Variants in SSX5 observed in about 807,000 individuals in gnomAD.
SSX5 encodes the protein SSX family member 5, also known as protein SSX5.
A neutral mutation model predicts 14.9 loss-of-function variants in SSX5; 14 were observed. That is an observed-to-expected ratio of 0.94 (90% CI 0.62 to 1.47). The LOEUF (loss-of-function observed/expected upper bound fraction) is 1.47, where lower values mean the gene tolerates loss of function less well. Among genes scored for constraint, SSX5 ranks in the 40% most tolerant of loss-of-function variants. The pLI is 0.00. For missense variants in SSX5, 204 were observed against 154.6 expected (o/e 1.32, Z -1.70); for synonymous variants, 70 against 55.4 (o/e 1.26, Z -1.17).
At position 48,186,351 on chromosome X, in the gene SSX5, C is replaced by T. The variant is rs192670316; in HGVS notation, c.*510G>A. 3.7e-4 allele frequency: 76 copies of T among 205,402 alleles called. 1 individual carries two copies. The highest frequency in any genetic ancestry group is 2.1e-3 in the African/African-American group (65 of 30,725). The allele number at this position is 205,402 out of a possible 1,213,427, so 16.9% of individuals were successfully genotyped here. Reference sequence around the variant, plus strand: ...ATGGGGAAAAGCAGTTGGGAGATGCCTATACTGGTACTTGGTGTGTGTGTG... The same window carrying T: ...ATGGGGAAAAGCAGTTGGGAGATGCTTATACTGGTACTTGGTGTGTGTGTG... On this transcript the variant is annotated 3_prime_UTR_variant, in exon 8 of 8. Transcript: ENST00000347757.
chrX:48,193,099 T>G (rs2059426362), intron 4 of SSX5, among the ~76,000 whole-genome samples: 1 of 111,970 alleles, frequency 8.9e-6, no homozygotes, highest in Admixed American at 9.5e-5. Context: ...CTTTGGGAAT[T>G]AGAGGACTAT....
At chrX:48,196,705 G>GAAAAA (rs1184883229) in intron 1 of SSX5, 26 bp downstream of exon 1, 9 of 111,104 alleles carry the variant, frequency 8.1e-5, no homozygotes, top group African/African-American at 2.9e-4. Context: ...AGGAAGAATG[G>GAAAAA]AAAAAGAAAA....
At chrX:48,192,439 T>A in intron 4 of SSX5, 158 bp from the exon 5 acceptor site, 1 of 853,210 alleles carries the variant, frequency 1.2e-6, no homozygotes, top group East Asian at 3.3e-5. Context: ...TTAGTCATGG[T>A]TGGTGCATTT....
intron 1 of SSX5, among the ~76,000 whole-genome samples, chrX:48,195,942 C>A (rs2059439360): frequency 1.8e-5 from 2 of 111,252 alleles, no homozygotes; most frequent in Non-Finnish European, 3.8e-5. Context: ...GCTAGAATTT[C>A]TGAGACTACA....
In SSX5 at chrX:48,190,090, C is replaced by T. The variant is rs139629599; in HGVS notation, c.466+43G>A. ...ACCCAGTCCACACACCTGAACTTAG[C>T]GAGAAAAGCCAGAGTGGTTGTTCCC... On this transcript the variant is annotated intron_variant, in intron 6 of 7. Coordinates refer to ENST00000347757, the MANE Select transcript of SSX5 (RefSeq NM_175723.2). The T allele has an allele frequency of 4.4e-5, 53 of 1,200,613 alleles. No homozygotes were observed. In the Middle Eastern group the frequency reaches 2.1e-3, roughly 47 times the overall value.
intron 6 of SSX5, 55 bp from the exon 7 acceptor site, chrX:48,187,786 T>C: frequency 8.6e-7 from 1 of 1,168,132 alleles, no homozygotes; most frequent in Non-Finnish European, 1.2e-6. Flanking sequence ...GAGGGTTGGG[T>C]TGATTGGAGA....
chrX:48,194,786 G>A lies in SSX5; in HGVS notation c.138C>T (p.Ile46=). The A allele has an allele frequency of 8.3e-7, 1 of 1,210,135 alleles. No homozygotes were observed. The highest frequency in any genetic ancestry group is 1.1e-6 in the Non-Finnish European group (1 of 894,825). ...ACTTTCTCTTCATATACACATAGAT[G>A]ATTTTCTCCGAGGCTTTCATCTTTT... ...EWEKMKASEK[I]IYVYMKRKYE... Residue 46 remains isoleucine, a synonymous_variant, in exon 3 of 8, where the codon ATC becomes ATT. Transcript: ENST00000347757.
intron 6 of SSX5, among the ~76,000 whole-genome samples, chrX:48,189,448 C>T (rs782579790): frequency 8.9e-6 from 1 of 111,924 alleles, no homozygotes; most frequent in African/African-American, 3.2e-5. Context: ...CCTTCAGCAA[C>T]CACCACCTTG....
intron 1 of SSX5, among the ~76,000 whole-genome samples, chrX:48,196,318 T>C (rs1299459678): frequency 2.8e-5 from 3 of 107,963 alleles, no homozygotes; most frequent in Non-Finnish European, 5.7e-5. Flanking sequence ...GGTGTGCACC[T>C]GTAGTCCCAA....
At chrX:48,190,593 G>A (rs191576131) in intron 5 of SSX5, among the ~76,000 whole-genome samples, 13 of 111,669 alleles carry the variant, frequency 1.2e-4, no homozygotes, top group African/African-American at 3.6e-4. Flanking sequence ...GAATTCACAA[G>A]GTCTACAAAG....
At chrX:48,195,046 G>T (rs781989905) in intron 2 of SSX5, 192 bp from the exon 3 acceptor site, 1 of 1,209,712 alleles carries the variant, frequency 8.3e-7, no homozygotes, top group African/African-American at 1.7e-5. Flanking sequence ...CTTTAATGCT[G>T]CTGGCTGGCT....
At position 48,186,846 on chromosome X, in the gene SSX5, T is replaced by C. The variant is rs1556923851; in HGVS notation, c.*15A>G. On this transcript the variant is annotated 3_prime_UTR_variant, in exon 8 of 8. Coordinates refer to ENST00000347757, the MANE Select transcript of SSX5 (RefSeq NM_175723.2). ...TGCTTCTCATCATGGGCATGTGTCA[T>C]ATCCCCGAGGCTGAGGCAAGAAGCG... 2.3e-5 allele frequency: 27 copies of C among 1,196,336 alleles called. No homozygotes were observed. In the South Asian group the frequency reaches 3.7e-4, roughly 16 times the overall value.
At chrX:48,188,428 T>G (rs2059407243) in intron 6 of SSX5, among the ~76,000 whole-genome samples, 2 of 112,301 alleles carry the variant, frequency 1.8e-5, no homozygotes, top group South Asian at 7.3e-4. Flanking sequence ...ACTGCACAAT[T>G]AAGTTATTAT....
At chrX:48,188,961 T>C (rs1283224893) in intron 6 of SSX5, among the ~76,000 whole-genome samples, 1 of 112,466 alleles carries the variant, frequency 8.9e-6, no homozygotes, top group African/African-American at 3.2e-5. Flanking sequence ...AGCCACAACA[T>C]TCCCTTAAGC....
intron 1 of SSX5, 88 bp from the exon 2 acceptor site, chrX:48,195,466 C>T: frequency 1.1e-6 from 1 of 914,540 alleles, no homozygotes; most frequent in Non-Finnish European, 1.6e-6. Flanking sequence ...CACACTCAGT[C>T]ACCTGGAATC....
At position 48,186,640 on chromosome X, in the gene SSX5, A is replaced by G. The variant is rs1212251764; in HGVS notation, c.*221T>C. The G allele has an allele frequency of 1.5e-6, 1 of 661,864 alleles. No individual in the cohort carries two copies. The highest frequency in any genetic ancestry group is 2.3e-6 in the Non-Finnish European group (1 of 435,459). 54.5% of individuals were successfully genotyped at this position (661,864 alleles called of 1,213,427 possible). A position where few individuals can be genotyped will look rare whatever the true frequency, so the allele number is the denominator to read the frequency against. On this transcript the variant is annotated 3_prime_UTR_variant, in exon 8 of 8. Coordinates refer to ENST00000347757, the MANE Select transcript of SSX5 (RefSeq NM_175723.2). ...GTCTTGCTCATCAGTGAAAACGCTA[A>G]TATCTAACAGAATGGCACACTGTAA...
At position 48,186,412 on chromosome X, in the gene SSX5, G is replaced by GCC; in HGVS notation, c.*448_*449insGG. The GCC allele has an allele frequency of 3.7e-6, 1 of 269,821 alleles. No homozygotes were observed. Among genetic ancestry groups the GCC allele is most frequent in the Non-Finnish European group, 6.7e-6 (1 of 149,227 alleles). The allele number at this position is 269,821 out of a possible 1,213,427, so 22.2% of individuals were successfully genotyped here. Reference sequence around the variant, plus strand: ...TGTGTGTGTGTGTGTGTGCGCGCGCGCGCGCATGTGTGTCTGTGTGGCATG... The same window carrying GCC: ...TGTGTGTGTGTGTGTGTGCGCGCGCGCCCGCGCATGTGTGTCTGTGTGGCATG... On this transcript the variant is annotated 3_prime_UTR_variant, in exon 8 of 8. Transcript: ENST00000347757.
chrX:48,195,265 C>T, intron 2 of SSX5, 25 bp downstream of exon 2: 1 of 1,208,623 alleles, frequency 8.3e-7, no homozygotes, highest in East Asian at 3.0e-5. Flanking sequence ...TGGGCCACTA[C>T]TATGCCCCCT....
At chrX:48,194,319 C>T in intron 3 of SSX5, 95 bp from the exon 4 acceptor site, 1 of 965,232 alleles carries the variant, frequency 1.0e-6, no homozygotes, top group Admixed American at 2.2e-5. Context: ...GAGGCTGAAG[C>T]TGGAGGATTG....
Sources: allele counts gnomAD v4.1 joint callset (sites outside exome capture counted in the v4.1 genomes callset), GRCh38; gene constraint gnomAD v4.1.1; transcripts MANE v1.5; gene names NCBI Gene and HGNC (gene_info 2026-07-23, HGNC 2026-07-21).